KLHL17: variants seen among roughly 807,000 people sequenced by gnomAD.
KLHL17 encodes the protein kelch like family member 17, also known as kelch-like protein 17.
In KLHL17, 71 loss-of-function variants were observed where a neutral mutation model predicts 64.6. The ratio of observed to expected loss-of-function variants is 1.10; its 90% confidence interval spans 0.91 to 1.34. The LOEUF (loss-of-function observed/expected upper bound fraction) is 1.34. KLHL17 is among the 40% of genes most tolerant of loss of function. The pLI is 0.00. For synonymous variants in KLHL17, 612 were observed against 405.4 expected (o/e 1.51, Z -6.12); for missense variants, 1,140 against 935.0 (o/e 1.22, Z -2.86).
rs749103046 is a variant in KLHL17 at position 963,875 on chromosome 1, C to T, written c.1356-45C>T. 295 of 1,597,490 alleles carry T rather than the reference C, an allele frequency of 1.8e-4. No individual in the cohort carries two copies. The Middle Eastern group carries it at 2.3e-3, about 12-fold the overall frequency. On this transcript the variant is annotated intron_variant, in intron 8 of 11. Coordinates refer to ENST00000338591, the MANE Select transcript of KLHL17 (RefSeq NM_198317.3). ...AGGGCAGGTCCTGGGGCCGGGACGCCTTTCTGTCTCTGCTGAGCTGTGGCT... is the reference window on the plus strand; with the variant it reads ...AGGGCAGGTCCTGGGGCCGGGACGCTTTTCTGTCTCTGCTGAGCTGTGGCT...
Position 964,901 on chromosome 1 carries a change from G to GAT in KLHL17, c.1701-62_1701-61insAT. On this transcript the variant is annotated intron_variant, in intron 11 of 11. Transcript: ENST00000338591. ...ATGTCCCGCCACCACCCCTTTTTGTGGTGCAGCCCCTCCCCCCGCATCCCT... is the reference window on the plus strand; with the variant it reads ...ATGTCCCGCCACCACCCCTTTTTGTGATGTGCAGCCCCTCCCCCCGCATCCCT... 3 of 1,244,624 alleles carry GAT rather than the reference G, an allele frequency of 2.4e-6. 1 individual carries two copies. The highest frequency in any genetic ancestry group is 3.4e-6 in the Non-Finnish European group (3 of 886,436). 77.1% of individuals were successfully genotyped at this position (1,244,624 alleles called of 1,614,324 possible). A position where few individuals can be genotyped will look rare whatever the true frequency, so the allele number is the denominator to read the frequency against.
rs1042084330 is a variant in KLHL17 at position 965,266 on chromosome 1, G to A, written c.*75G>A. 25 of 1,210,892 alleles carry A rather than the reference G, an allele frequency of 2.1e-5. No homozygotes were observed. The highest frequency in any genetic ancestry group is 1.1e-4 in the South Asian group (8 of 75,396). The allele number at this position is 1,210,892 out of a possible 1,614,324, so 75.0% of individuals were successfully genotyped here. ...GTGGCCCCCACCAGGGACGTCCTGC[G>A]CCATCCGTTCACGTCTCTGCATCCA... On this transcript the variant is annotated 3_prime_UTR_variant, in exon 12 of 12. Coordinates refer to ENST00000338591, the MANE Select transcript of KLHL17 (RefSeq NM_198317.3).
Position 963,398 on chromosome 1 carries a change from C to T in KLHL17, c.1249C>T (p.Gln417Ter), listed in dbSNP as rs1248407210. The change falls in exon 8 of 12, where the codon CAG (glutamine) becomes TAG (stop). Residue 417 changes from glutamine to a stop codon, truncating the protein, a stop_gained. Transcript: ENST00000338591. LOFTEE classifies it high-confidence loss of function. ...ESYDPVTNTW[Q>*]PEVSMGTRRS... ...CTACGACCCCGTGACTAACACGTGG[C>T]AGCCGGAGGTGTCCATGGGCACAAG... 2.5e-6 allele frequency: 4 copies of T among 1,612,540 alleles called. No individual in the cohort carries two copies. The highest frequency in any genetic ancestry group is 4.5e-5 in the East Asian group (2 of 44,898).
chr1:963,040 C>A, intron 6 of KLHL17, 69 bp from the exon 7 acceptor site: 1 of 1,576,858 alleles, frequency 6.3e-7, no homozygotes, highest in Non-Finnish European at 8.6e-7. Context: ...AGGGGCCTCT[C>A]CAGGAGCCTG....
rs1457704067 is a variant in KLHL17 at position 961,954 on chromosome 1, C to G, written c.618C>G (p.Cys206Trp). The change falls in exon 4 of 12, where the codon TGC becomes TGG. Residue 206 changes from cysteine (C) to tryptophan (W), a missense_variant. Coordinates refer to ENST00000338591, the MANE Select transcript of KLHL17 (RefSeq NM_198317.3). ...GIRGFADAHS[C>W]SDLLKAAHRY... The stretch of plus-strand genomic sequence containing the variant: ...GGGGCTTTGCCGATGCGCACTCCTG[C>G]AGCGACCTGCTCAAGGCCGCCCACA... 1 of 1,612,942 alleles carries G rather than the reference C, an allele frequency of 6.2e-7. No homozygotes were observed. Among genetic ancestry groups the G allele is most frequent in the Non-Finnish European group, 8.5e-7 (1 of 1,180,006 alleles).
intron 1 of KLHL17, among the ~76,000 whole-genome samples, 158 bp from the exon 2 acceptor site, chr1:961,135 C>T (rs1352715666): frequency 2.0e-5 from 3 of 150,210 alleles, no homozygotes; most frequent in African/African-American, 4.9e-5. Flanking sequence ...ACACGGCGCG[C>T]TCCGGGGCGG....
Position 961,454 on chromosome 1 carries a change from T to C in KLHL17, c.269T>C (p.Leu90Pro). ...ATGAGCCGCATGCGCCAGCGCGGCC[T>C]CCTGTGCGACATCGTCCTGCACGTG... The part of the protein sequence containing the change: ...VAMSRMRQRG[L>P]LCDIVLHVAA... Residue 90 changes from leucine (L) to proline (P), a missense_variant, in exon 2 of 12, where the codon CTC (leucine) becomes CCC (proline). Physicochemically the swap from Leu to Pro is moderately conservative, Grantham distance 98. Transcript: ENST00000338591. 1 of 1,612,370 alleles carries C rather than the reference T, an allele frequency of 6.2e-7. No individual in the cohort carries two copies. The highest frequency in any genetic ancestry group is 8.5e-7 in the Non-Finnish European group (1 of 1,179,858).
intron 8 of KLHL17, 178 bp from the exon 9 acceptor site, chr1:963,742 G>A (rs1372398185): frequency 1.1e-5 from 9 of 852,540 alleles, no homozygotes; most frequent in East Asian, 7.7e-5. Context: ...TGTGCACCCA[G>A]GGTTGTTCAG....
In KLHL17 at chr1:962,872, C is replaced by G. The variant is rs759220112; in HGVS notation, c.997C>G (p.Arg333Gly). ...GGGCGTCCTAGGCACCAGCCGCACA[C>G]GTCCCCGGCGCTGCGAGGGGGCCGG... is the stretch of plus-strand genomic sequence containing the variant. ...QRGVLGTSRTRPRRCEGAGPV... is the reference protein window; with the variant it reads ...QRGVLGTSRTGPRRCEGAGPV... The change falls in exon 6 of 12, where the codon CGT becomes GGT. Residue 333 changes from arginine to glycine, a missense_variant. Coordinates refer to ENST00000338591, the MANE Select transcript of KLHL17 (RefSeq NM_198317.3). The G allele has an allele frequency of 2.5e-6, 4 of 1,580,452 alleles. No homozygotes were observed. Among genetic ancestry groups the G allele is most frequent in the South Asian group, 1.1e-5 (1 of 88,220 alleles).
rs1041234641 is a variant in KLHL17, at chr1:961,558, T to G, written c.367+6T>G. 1.2e-6 allele frequency: 2 copies of G among 1,612,630 alleles called. No individual in the cohort carries two copies. Among genetic ancestry groups the G allele is most frequent in the Admixed American group, 1.7e-5 (1 of 60,028 alleles). On this transcript the variant is annotated splice_donor_region_variant and intron_variant, in intron 2 of 11. Coordinates refer to ENST00000338591, the MANE Select transcript of KLHL17 (RefSeq NM_198317.3). Reference sequence around the variant, plus strand: ...CTTCCACGCCATGTTCACAAGCAAGTACCCGCCTGGGCGGCGCTGGGGGCT... The same window carrying G: ...CTTCCACGCCATGTTCACAAGCAAGGACCCGCCTGGGCGGCGCTGGGGGCT...
rs558156467 is a variant in KLHL17, at chr1:961,286, C to T, written c.108-7C>T. On this transcript the variant is annotated splice_polypyrimidine_tract_variant and splice_region_variant and intron_variant, in intron 1 of 11. Transcript: ENST00000338591. ...GGGGCGAAGCCTGACCCGCCCGCCT[C>T]CTGCAGCCCCGAGGCAGAGCGCACG... 3 of 1,474,810 alleles carry T rather than the reference C, an allele frequency of 2.0e-6. No homozygotes were observed. Among genetic ancestry groups the T allele is most frequent in the Non-Finnish European group, 2.7e-6 (3 of 1,125,380 alleles). 91.4% of individuals were successfully genotyped at this position (1,474,810 alleles called of 1,614,324 possible).
At chr1:963,542 C>T (rs771522723) in intron 8 of KLHL17, 38 bp downstream of exon 8, 26 of 1,561,600 alleles carry the variant, frequency 1.7e-5, no homozygotes, top group African/African-American at 5.5e-5. Context: ...TTGTACAGTC[C>T]ATCTGCAAGA....
chr1:964,136 G>A lies in KLHL17; in HGVS notation c.1474G>A (p.Asp492Asn), dbSNP rs1437764863. The A allele has an allele frequency of 3.7e-6, 6 of 1,612,584 alleles. No individual in the cohort carries two copies. Among genetic ancestry groups the A allele is most frequent in the East Asian group, 2.2e-5 (1 of 44,894 alleles). The change falls in exon 10 of 12, where the codon GAC (aspartate) becomes AAC (asparagine). Residue 492 changes from aspartate to asparagine, a missense_variant. Coordinates refer to ENST00000338591, the MANE Select transcript of KLHL17 (RefSeq NM_198317.3). The stretch of plus-strand genomic sequence containing the variant: ...GAACCTGTATGCTGTGGGCGGCTAC[G>A]ACAGCTCCTCACACCTGGCCACTGT... ...DGNLYAVGGY[D>N]SSSHLATVEK...
Position 962,749 on chromosome 1 carries a change from C to T in KLHL17, c.874C>T (p.Leu292=), listed in dbSNP as rs1446363938. Residue 292 remains leucine (L), a synonymous_variant, in exon 6 of 12, where the codon CTG becomes TTG. Coordinates refer to ENST00000338591, the MANE Select transcript of KLHL17 (RefSeq NM_198317.3). ...RLPLLSRDFL[L]GHVDAESLVR... ...GCCCTTGCTGAGCCGCGACTTCCTG[C>T]TGGGCCACGTGGATGCCGAGAGCCT... 3 of 1,610,750 alleles carry T rather than the reference C, an allele frequency of 1.9e-6. No homozygotes were observed. Among genetic ancestry groups the T allele is most frequent in the Non-Finnish European group, 2.5e-6 (3 of 1,179,646 alleles).
Position 964,182 on chromosome 1 carries a change from T to C in KLHL17, c.1518+2T>C. The C allele has an allele frequency of 1.9e-6, 3 of 1,612,588 alleles. No homozygotes were observed. Among genetic ancestry groups the C allele is most frequent in the Non-Finnish European group, 2.5e-6 (3 of 1,179,856 alleles). ...ACTGTGGAGAAGTATGAGCCCCAGG[T>C]GCATAGTGCACCCCTCCTGGCCACC... On this transcript the variant is annotated splice_donor_variant, in intron 10 of 11. Transcript: ENST00000338591. LOFTEE classifies it high-confidence loss of function.
In KLHL17 at chr1:964,434, C is replaced by T. The variant is rs368669536; in HGVS notation, c.1604C>T (p.Ala535Val). The T allele has an allele frequency of 4.3e-5, 67 of 1,551,366 alleles. No individual in the cohort carries two copies. Among genetic ancestry groups the T allele is most frequent in the Middle Eastern group, 1.7e-4 (1 of 6,010 alleles). Reference protein sequence around the residue: ...VAVLEGALYVAGGNDGTSCLN... With the variant: ...VAVLEGALYVVGGNDGTSCLN... ...GTGCTGGAGGGTGCCCTGTACGTGGCAGGGGGCAACGACGGCACCAGCTGC... is the reference window on the plus strand; with the variant it reads ...GTGCTGGAGGGTGCCCTGTACGTGGTAGGGGGCAACGACGGCACCAGCTGC... Residue 535 changes from alanine to valine, a missense_variant, in exon 11 of 12, where the codon GCA (alanine) becomes GTA (valine). Coordinates refer to ENST00000338591, the MANE Select transcript of KLHL17 (RefSeq NM_198317.3).
At chr1:964,033 G>T (rs1244299352) in intron 9 of KLHL17, 25 bp downstream of exon 9, 1 of 1,612,494 alleles carries the variant, frequency 6.2e-7, no homozygotes, top group Non-Finnish European at 8.5e-7. Context: ...CTGCCTGGGG[G>T]GCATCCCCAC....
chr1:964,037 TCCCCACCTTC>T (rs1226868425), intron 9 of KLHL17, 29 bp downstream of exon 9: 2 of 1,611,950 alleles, frequency 1.2e-6, no homozygotes, highest in East Asian at 4.5e-5. Context: ...CTGGGGGGCA[TCCCCACCTTC>T]CCCCACCGTG....
At position 961,503 on chromosome 1, in the gene KLHL17, C is replaced by CA. The variant is rs1448763945; in HGVS notation, c.321dup (p.Val108SerfsTer17). On this transcript the variant is annotated frameshift_variant, in exon 2 of 12. Transcript: ENST00000338591. LOFTEE classifies it high-confidence loss of function. ...TGGCTGCCAAGGAGATCCGTGCGCA[C>CA]AAAGTGGTGCTGGCCTCCTGCAGCC... 6.2e-6 allele frequency: 10 copies of CA among 1,612,460 alleles called. No individual in the cohort carries two copies. Among genetic ancestry groups the CA allele is most frequent in the Non-Finnish European group, 7.6e-6 (9 of 1,179,960 alleles).
Sources: gnomAD v4.1 joint callset for allele counts (sites outside exome capture counted in the v4.1 genomes callset) on GRCh38, gnomAD v4.1.1 for gene constraint, MANE v1.5 for transcripts, NCBI Gene and HGNC (gene_info 2026-07-23, HGNC 2026-07-21) for gene names.